The following PDCD6IP variants were observed in gnomAD, a reference collection of about 807,000 sequenced individuals.
PDCD6IP encodes programmed cell death 6 interacting protein.
A neutral mutation model predicts 103.7 loss-of-function variants in PDCD6IP; 43 were observed. That is an observed-to-expected ratio of 0.41 (90% CI 0.32 to 0.53). The LOEUF (loss-of-function observed/expected upper bound fraction) is 0.53. Ranked by LOEUF, PDCD6IP falls within the 20% of genes least tolerant of loss-of-function variation. The pLI is 0.16. For missense variants in PDCD6IP, 871 were observed against 1,036.7 expected (o/e 0.84, Z 2.20); for synonymous variants, 354 against 378.7 (o/e 0.93, Z 0.76).
intron 4 of PDCD6IP, among the ~76,000 whole-genome samples, chr3:33,822,570 C>T (rs983108525): frequency 2.0e-5 from 3 of 152,184 alleles, no homozygotes; most frequent in Admixed American, 6.5e-5. Context: ...TGGTCAGACA[C>T]ATAATGTTCA....
intron 13 of PDCD6IP, among the ~76,000 whole-genome samples, chr3:33,853,113 C>G (rs549032276): frequency 1.3e-5 from 2 of 151,954 alleles, no homozygotes; most frequent in African/African-American, 4.8e-5. Context: ...TTAGTAGAGA[C>G]GGGGTTTCAC....
At chr3:33,846,943 A>G (rs1697605691) in intron 12 of PDCD6IP, among the ~76,000 whole-genome samples, 1 of 152,182 alleles carries the variant, frequency 6.6e-6, no homozygotes, top group Non-Finnish European at 1.5e-5. Flanking sequence ...AAGGGAAGAG[A>G]AGGCTACATA....
Position 33,832,041 on chromosome 3 carries a change from A to G in PDCD6IP, c.834+3072A>G, listed in dbSNP as rs575285283. ...AATGCTACAGTAAAAAATCACGTAC[A>G]CAAGTTATCTTGTACTTCAGCAGGT... On this transcript the variant is annotated intron_variant, in intron 7 of 17. Coordinates refer to ENST00000307296, the MANE Select transcript of PDCD6IP (RefSeq NM_013374.6). Among the ~76,000 whole-genome samples, 51 of 152,318 alleles carry G rather than the reference A, an allele frequency of 3.3e-4. 1 individual carries two copies. Among genetic ancestry groups the G allele is most frequent in the Middle Eastern group, 3.4e-3 (1 of 294 alleles).
At chr3:33,836,294 A>T in intron 8 of PDCD6IP, 28 bp downstream of exon 8, 1 of 1,297,242 alleles carries the variant, frequency 7.7e-7, no homozygotes, top group Admixed American at 1.7e-5. Flanking sequence ...ACACACTTTA[A>T]TCTCATTTTT....
At chr3:33,859,420 A>G (rs1236356167) in intron 15 of PDCD6IP, among the ~76,000 whole-genome samples, 7 of 152,282 alleles carry the variant, frequency 4.6e-5, no homozygotes, top group Non-Finnish European at 1.0e-4. Flanking sequence ...CAAATTGGGA[A>G]TCCAATATTT....
At chr3:33,851,848 A>T (rs1434589491) in intron 12 of PDCD6IP, among the ~76,000 whole-genome samples, 1 of 152,092 alleles carries the variant, frequency 6.6e-6, no homozygotes, top group Admixed American at 6.5e-5. Flanking sequence ...ATATACACTT[A>T]TATCTGTATC....
At chr3:33,848,614 T>A (rs1697647255) in intron 12 of PDCD6IP, among the ~76,000 whole-genome samples, 1 of 152,116 alleles carries the variant, frequency 6.6e-6, no homozygotes, top group Admixed American at 6.5e-5. Flanking sequence ...CATGTTGGCC[T>A]GGATGGTCTC....
chr3:33,863,374 T>C (rs1191251078), intron 15 of PDCD6IP, among the ~76,000 whole-genome samples: 3 of 152,222 alleles, frequency 2.0e-5, no homozygotes, highest in East Asian at 1.9e-4. Flanking sequence ...CTAGAACTTA[T>C]TTATTCTCTC....
chr3:33,826,697 C>T, intron 6 of PDCD6IP, 117 bp downstream of exon 6: 3 of 1,453,540 alleles, frequency 2.1e-6, no homozygotes, highest in South Asian at 1.3e-5. Flanking sequence ...ATAGAGTTAT[C>T]TGAAGTATAT....
chr3:33,816,503 TAAAAAAAA>T (rs57317946), intron 3 of PDCD6IP, among the ~76,000 whole-genome samples: 1 of 57,636 alleles, frequency 1.7e-5, no homozygotes, highest in Non-Finnish European at 3.4e-5. Flanking sequence ...AGATTCTGTC[TAAAAAAAA>T]AAAAAAAAAA....
intron 11 of PDCD6IP, 62 bp downstream of exon 11, chr3:33,844,285 C>G: frequency 1.1e-6 from 1 of 909,432 alleles, no homozygotes; most frequent in South Asian, 2.0e-5. Flanking sequence ...CACGTTTTTG[C>G]TTGATTAAAT....
intron 3 of PDCD6IP, among the ~76,000 whole-genome samples, chr3:33,821,176 AT>A (rs201181955): frequency 8.3e-4 from 120 of 144,176 alleles, no homozygotes; most frequent in Non-Finnish European, 8.1e-4. Flanking sequence ...TTTAAAAACA[AT>A]TTTTTTTTTT....
intron 1 of PDCD6IP, among the ~76,000 whole-genome samples, chr3:33,805,217 A>T (rs1421839296): frequency 6.6e-6 from 1 of 151,836 alleles, no homozygotes; most frequent in Non-Finnish European, 1.5e-5. Context: ...TTAGCCGGTC[A>T]TGGTGGCGGG....
chr3:33,863,487 C>T (rs1174450065), intron 15 of PDCD6IP, among the ~76,000 whole-genome samples: 3 of 152,158 alleles, frequency 2.0e-5, no homozygotes, highest in Non-Finnish European at 4.4e-5. Context: ...TTGTTTTTAG[C>T]TCACACATAT....
intron 10 of PDCD6IP, among the ~76,000 whole-genome samples, chr3:33,843,907 A>T (rs576472720): frequency 2.7e-5 from 4 of 147,474 alleles, no homozygotes; most frequent in African/African-American, 7.5e-5. Flanking sequence ...GAAAGGTGAT[A>T]GCTAATTCAC....
At chr3:33,815,134 T>A (rs59896294) in intron 3 of PDCD6IP, among the ~76,000 whole-genome samples, 1 of 149,242 alleles carries the variant, frequency 6.7e-6, no homozygotes, top group Non-Finnish European at 1.5e-5. Flanking sequence ...TTTATACTTA[T>A]ATATAGGTGA....
At chr3:33,859,992 G>T (rs1697917245) in intron 15 of PDCD6IP, among the ~76,000 whole-genome samples, 2 of 151,968 alleles carry the variant, frequency 1.3e-5, no homozygotes, top group Non-Finnish European at 1.5e-5. Flanking sequence ...TAAAAATCAG[G>T]GTGTTTTCAA....
rs751556113 is a variant in PDCD6IP, at chr3:33,853,905, G to C, written c.1917G>C (p.Met639Ile). Residue 639 changes from methionine (M) to isoleucine (I), a missense_variant, in exon 14 of 18, where the codon ATG (methionine) becomes ATC (isoleucine). Physicochemically the swap from Met to Ile is conservative, Grantham distance 10. This residue lies in a region of PDCD6IP where 266 missense variants were observed against 390.5 expected (regional missense o/e 0.68). Transcript: ENST00000307296. The stretch of plus-strand genomic sequence containing the variant: ...TCTCACATCAGGAATTTTCAAAAAT[G>C]AAACAATCTAATAATGAAGCTAACT... The part of the protein sequence containing the change: ...IQVSHQEFSK[M>I]KQSNNEANLR... 6.5e-7 allele frequency: 1 copy of C among 1,546,432 alleles called. No homozygotes were observed. Among genetic ancestry groups the C allele is most frequent in the Non-Finnish European group, 8.7e-7 (1 of 1,153,936 alleles).
At chr3:33,805,578 C>T (rs1179172610) in intron 1 of PDCD6IP, among the ~76,000 whole-genome samples, 1 of 151,574 alleles carries the variant, frequency 6.6e-6, no homozygotes, top group Non-Finnish European at 1.5e-5. Flanking sequence ...TACTACCATA[C>T]CTGGCTAATT....
Sources: allele counts gnomAD v4.1 joint callset (sites outside exome capture counted in the v4.1 genomes callset), GRCh38; gene constraint gnomAD v4.1.1; regional missense constraint gnomAD v4.1.1; transcripts MANE v1.5; gene names NCBI Gene and HGNC (gene_info 2026-07-23, HGNC 2026-07-21).